ARHGAP5: variants seen among roughly 807,000 people sequenced by gnomAD.
ARHGAP5 encodes rho GTPase-activating protein 5.
A neutral mutation model predicts 116.6 loss-of-function variants in ARHGAP5; 23 were observed. The ratio of observed to expected loss-of-function variants is 0.20; its 90% CI spans 0.14 to 0.28. The LOEUF (loss-of-function observed/expected upper bound fraction) is 0.28. Ranked by LOEUF, ARHGAP5 falls within the 10% of genes least tolerant of loss-of-function variation. ARHGAP5 has a pLI of 1.00. For synonymous variants in ARHGAP5, 574 were observed against 602.0 expected (o/e 0.95, Z 0.68); for missense variants, 1,405 against 1,774.8 (o/e 0.79, Z 3.74).
chr14:32,159,129 A>G lies in ARHGAP5; in HGVS notation c.*4181A>G, dbSNP rs930103537. ...GAAAAGCTAACCAATGATAATTAGCATTTTAGTTAATACTAAATGCATAAA... is the reference window on the plus strand; with the variant it reads ...GAAAAGCTAACCAATGATAATTAGCGTTTTAGTTAATACTAAATGCATAAA... On this transcript the variant is annotated 3_prime_UTR_variant, in exon 7 of 7. Transcript: ENST00000345122. 1.3e-5 allele frequency: 2 copies of G among 152,168 alleles called. No individual in the cohort carries two copies. The highest frequency in any genetic ancestry group is 4.8e-5 in the African/African-American group (2 of 41,460). The allele number at this position is 152,168 out of a possible 1,614,324, so 9.4% of individuals were successfully genotyped here.
intron 3 of ARHGAP5, among the ~76,000 whole-genome samples, chr14:32,136,308 C>G (rs1205477047): frequency 2.0e-5 from 3 of 152,208 alleles, no homozygotes; most frequent in Non-Finnish European, 1.5e-5. Context: ...ACAGCCCTTG[C>G]AACCAATCTG....
intron 3 of ARHGAP5, among the ~76,000 whole-genome samples, chr14:32,132,958 T>C (rs1880582105): frequency 6.6e-6 from 1 of 152,228 alleles, no homozygotes; most frequent in Non-Finnish European, 1.5e-5. Flanking sequence ...TCTGTTTTGG[T>C]ACCAGTACCA....
intron 2 of ARHGAP5, among the ~76,000 whole-genome samples, chr14:32,110,280 C>G (rs1364668685): frequency 2.0e-5 from 3 of 147,274 alleles, no homozygotes; most frequent in Admixed American, 6.8e-5. Context: ...GTAAGAGGAA[C>G]AGAGTACTGG....
intron 2 of ARHGAP5, among the ~76,000 whole-genome samples, chr14:32,105,440 A>G (rs1336735542): frequency 6.6e-6 from 1 of 151,854 alleles, no homozygotes; most frequent in African/African-American, 2.4e-5. Flanking sequence ...AGAAATAAAG[A>G]TTCTATTTTG....
Position 32,093,516 on chromosome 14 carries a change from T to C in ARHGAP5, c.2847T>C (p.Tyr949=), listed in dbSNP as rs372395150. 293 of 1,613,148 alleles carry C rather than the reference T, an allele frequency of 1.8e-4. 1 individual carries two copies. Among genetic ancestry groups the C allele is most frequent in the Non-Finnish European group, 2.3e-4 (271 of 1,179,748 alleles). ...AAAAAAATATGATAGAAAATTCTTA[T>C]TTGTCTGATAATACAAGGGAATCAA... ...LEKKNMIENS[Y]LSDNTRESTH... Residue 949 remains tyrosine, a synonymous_variant, in exon 2 of 7, where the codon TAT becomes TAC. Transcript: ENST00000345122.
chr14:32,116,467 C>T (rs1879598898), intron 2 of ARHGAP5, among the ~76,000 whole-genome samples: 1 of 151,428 alleles, frequency 6.6e-6, no homozygotes, highest in Admixed American at 6.6e-5. Context: ...GTGGTGGGCG[C>T]CTGTAGTCCC....
chr14:32,110,625 G>A lies in ARHGAP5; in HGVS notation c.3718-6515G>A, dbSNP rs111681659. 2.4e-3 allele frequency among the ~76,000 whole-genome samples: 364 copies of A among 152,298 alleles called. 1 individual carries two copies. The highest frequency in any genetic ancestry group is 8.3e-3 in the African/African-American group (347 of 41,570). On this transcript the variant is annotated intron_variant, in intron 2 of 6. Coordinates refer to ENST00000345122, the MANE Select transcript of ARHGAP5 (RefSeq NM_001030055.2). The stretch of plus-strand genomic sequence containing the variant: ...AAAGGAGCGGAGTCCAAGGCATGCA[G>A]ATTGTACATGTCTATTCAAGGAGCC...
At chr14:32,095,776 C>T (rs1033248531) in intron 2 of ARHGAP5, among the ~76,000 whole-genome samples, 8 of 152,194 alleles carry the variant, frequency 5.3e-5, no homozygotes, top group African/African-American at 1.9e-4. Flanking sequence ...TAACATGCTA[C>T]TCTCTTGCAT....
chr14:32,095,456 A>G (rs940037382), intron 2 of ARHGAP5, among the ~76,000 whole-genome samples: 1 of 121,148 alleles, frequency 8.3e-6, no homozygotes, highest in African/African-American at 3.3e-5. Context: ...CTTGTTTCCC[A>G]GGCTGGAGGG....
At chr14:32,082,137 C>T (rs911634778) in intron 1 of ARHGAP5, among the ~76,000 whole-genome samples, 1 of 152,200 alleles carries the variant, frequency 6.6e-6, no homozygotes, top group African/African-American at 2.4e-5. Context: ...TCCTGCTGTG[C>T]AGCCCAGTTC....
intron 3 of ARHGAP5, among the ~76,000 whole-genome samples, chr14:32,139,765 T>C (rs1195174648): frequency 6.6e-6 from 1 of 151,502 alleles, no homozygotes; most frequent in African/African-American, 2.4e-5. Flanking sequence ...TTGTCTTCTT[T>C]TTCTAGTTCC....
chr14:32,147,986 G>C (rs938140615), intron 4 of ARHGAP5, among the ~76,000 whole-genome samples: 9 of 152,164 alleles, frequency 5.9e-5, no homozygotes, highest in Admixed American at 5.2e-4. Flanking sequence ...AACCCCATCT[G>C]TACTAAAATG....
chr14:32,093,092 C>G lies in ARHGAP5; in HGVS notation c.2423C>G (p.Ala808Gly). The G allele has an allele frequency of 6.2e-7, 1 of 1,613,840 alleles. No homozygotes were observed. The highest frequency in any genetic ancestry group is 1.7e-5 in the Admixed American group (1 of 59,994). ...CTTGATTCTCATTCTTGCAGTGCTGCTCAAGCTGGACAGAATAATTCCCTA... is the reference window on the plus strand; with the variant it reads ...CTTGATTCTCATTCTTGCAGTGCTGGTCAAGCTGGACAGAATAATTCCCTA... ...PFLDSHSCSAAQAGQNNSLML... is the reference protein window; with the variant it reads ...PFLDSHSCSAGQAGQNNSLML... Residue 808 changes from alanine (A) to glycine (G), a missense_variant, in exon 2 of 7, where the codon GCT becomes GGT. By Grantham distance (60) the Ala-to-Gly change is moderately conservative (BLOSUM62 0). Coordinates refer to ENST00000345122, the MANE Select transcript of ARHGAP5 (RefSeq NM_001030055.2).
chr14:32,087,716 A>G (rs2041843977), intron 1 of ARHGAP5, among the ~76,000 whole-genome samples: 1 of 152,162 alleles, frequency 6.6e-6, no homozygotes, highest in Admixed American at 6.5e-5. Context: ...CAGCCTTGTT[A>G]GAAGAATAAG....
rs1881926427 is a variant in ARHGAP5, at chr14:32,157,148, ATACTC to A, written c.*2204_*2208del. Reference sequence around the variant, plus strand: ...ACACACTTCATAGTGAGTCATTTAAATACTCTACGTTTGGTTCAATTAACCAGTAG... The same window carrying A: ...ACACACTTCATAGTGAGTCATTTAAATACGTTTGGTTCAATTAACCAGTAG... On this transcript the variant is annotated 3_prime_UTR_variant, in exon 7 of 7. Transcript: ENST00000345122. 6.6e-6 allele frequency: 1 copy of A among 152,268 alleles called. No individual in the cohort carries two copies. The highest frequency in any genetic ancestry group is 1.5e-5 in the Non-Finnish European group (1 of 67,770). The allele number at this position is 152,268 out of a possible 1,614,324, so 9.4% of individuals were successfully genotyped here. A position where few individuals can be genotyped will look rare whatever the true frequency, so the allele number is the denominator to read the frequency against.
chr14:32,088,531 A>G (rs1478082684), intron 1 of ARHGAP5, among the ~76,000 whole-genome samples: 1 of 152,016 alleles, frequency 6.6e-6, no homozygotes, highest in Non-Finnish European at 1.5e-5. Context: ...CTCTGTAAAT[A>G]TCCATAAATA....
rs1362660434 is a variant in ARHGAP5, at chr14:32,090,891, C to T, written c.222C>T (p.Tyr74=). 1.9e-6 allele frequency: 3 copies of T among 1,613,538 alleles called. No individual in the cohort carries two copies. Among genetic ancestry groups the T allele is most frequent in the African/African-American group, 1.3e-5 (1 of 74,992 alleles). ...GRVVNNDHFL[Y]WGDIIQNSED... ...TAGTAAACAATGATCACTTTTTGTA[C>T]TGGGGTGACATAATACAAAATAGTG... The change falls in exon 2 of 7, where the codon TAC becomes TAT. Residue 74 remains tyrosine (Y), a synonymous_variant. Coordinates refer to ENST00000345122, the MANE Select transcript of ARHGAP5 (RefSeq NM_001030055.2).
rs1405280997 is a variant in ARHGAP5 at position 32,155,600 on chromosome 14, G to A, written c.*652G>A. 2.6e-5 allele frequency: 4 copies of A among 152,646 alleles called. No individual in the cohort carries two copies. Among genetic ancestry groups the A allele is most frequent in the Non-Finnish European group, 5.9e-5 (4 of 68,044 alleles). The allele number at this position is 152,646 out of a possible 1,614,324, so 9.5% of individuals were successfully genotyped here. On this transcript the variant is annotated 3_prime_UTR_variant, in exon 7 of 7. Coordinates refer to ENST00000345122, the MANE Select transcript of ARHGAP5 (RefSeq NM_001030055.2). ...TTACACACATACCAAGGACATGCTT[G>A]TGGCTAAAGTGAGTTGATAATGTTG...
rs370445023 is a variant in ARHGAP5, at chr14:32,077,469, G to A, written c.-169+34G>A. The A allele has an allele frequency of 1.0e-3, 717 of 688,026 alleles. 4 individuals are homozygous for A. In the African/African-American group the frequency reaches 0.011, roughly 11 times the overall value. 42.6% of individuals were successfully genotyped at this position (688,026 alleles called of 1,614,324 possible). A position where few individuals can be genotyped will look rare whatever the true frequency, so the allele number is the denominator to read the frequency against. Reference sequence around the variant, plus strand: ...TTGCGGACCCCGCTCCTCCAAGCCTGCCTGCCCCCTCCCGGACGGGGACCC... The same window carrying A: ...TTGCGGACCCCGCTCCTCCAAGCCTACCTGCCCCCTCCCGGACGGGGACCC... On this transcript the variant is annotated intron_variant, in intron 1 of 6. Transcript: ENST00000345122.
Sources: allele counts gnomAD v4.1 joint callset (sites outside exome capture counted in the v4.1 genomes callset), GRCh38; gene constraint gnomAD v4.1.1; transcripts MANE v1.5; gene names NCBI Gene and HGNC (gene_info 2026-07-23, HGNC 2026-07-21).